OPLAH: variants seen among roughly 807,000 people sequenced by gnomAD.
OPLAH encodes the protein 5-oxoprolinase.
OPLAH carries 103 observed loss-of-function variants against 122.8 expected under a neutral mutation model. The observed-to-expected ratio is 0.84, with a 90% CI of 0.71 to 0.99. The LOEUF is 0.99. Ranked by LOEUF, OPLAH falls within the 50% of genes least tolerant of loss-of-function variation. OPLAH has a pLI of 0.00. For synonymous variants in OPLAH, 875 were observed against 796.0 expected, an observed-to-expected ratio of 1.10 and a Z score of -1.67; for missense variants, 1,902 against 1,836.5, an observed-to-expected ratio of 1.04 and a Z score of -0.65.
In OPLAH at chr8:144,054,801, G is replaced by C; in HGVS notation, c.2511+11C>G. The C allele has an allele frequency of 6.2e-7, 1 of 1,612,082 alleles. No individual in the cohort carries two copies. On this transcript the variant is annotated intron_variant, in intron 18 of 26. Transcript: ENST00000618853. ...CTGCCCCAGCAGAGGCAGGCGGGCAGCACCCCTCACCGGTGTGATAACAGT... is the reference window on the plus strand; with the variant it reads ...CTGCCCCAGCAGAGGCAGGCGGGCACCACCCCTCACCGGTGTGATAACAGT...
rs1482941475 is a variant in OPLAH at position 144,058,766 on chromosome 8, C to T, written c.587+7G>A. The T allele has an allele frequency of 6.3e-7, 1 of 1,592,244 alleles. No homozygotes were observed. Among genetic ancestry groups the T allele is most frequent in the Non-Finnish European group, 8.6e-7 (1 of 1,166,454 alleles). ...GCTCCCGCAGCCCACAGCCCCACCT[C>T]ACTCACGTGTACGAGTGCATGAGCA... On this transcript the variant is annotated splice_region_variant and intron_variant, in intron 5 of 26. Coordinates refer to ENST00000618853, the MANE Select transcript of OPLAH (RefSeq NM_017570.5).
At position 144,056,923 on chromosome 8, in the gene OPLAH, TGTCCAG is replaced by T. The variant is rs1554759362; in HGVS notation, c.1706+19_1706+24del. The stretch of plus-strand genomic sequence containing the variant: ...CGTGGTGAGGACAACGTAAGCCCTC[TGTCCAG>T]GGCACCCTGGGAGCCCACCTGGGGA... On this transcript the variant is annotated intron_variant, in intron 12 of 26. Coordinates refer to ENST00000618853, the MANE Select transcript of OPLAH (RefSeq NM_017570.5). The T allele has an allele frequency of 1.3e-6, 2 of 1,554,348 alleles. No individual in the cohort carries two copies. The highest frequency in any genetic ancestry group is 2.4e-5 in the East Asian group (1 of 42,050).
chr8:144,052,819 C>T lies in OPLAH; in HGVS notation c.3100G>A (p.Ala1034Thr), dbSNP rs781950603. The part of the protein sequence containing the change: ...LNAPRAVTLS[A>T]LIYCLRCLVG... Reference sequence around the variant, plus strand: ...AGACAGCGCAGGCAGTAGATGAGGGCGGACAGGGTTACGGCCCGCGGTGCG... The same window carrying T: ...AGACAGCGCAGGCAGTAGATGAGGGTGGACAGGGTTACGGCCCGCGGTGCG... The change falls in exon 22 of 27, where the codon GCC (alanine) becomes ACC (threonine). Residue 1034 changes from alanine to threonine, a missense_variant. Coordinates refer to ENST00000618853, the MANE Select transcript of OPLAH (RefSeq NM_017570.5). The T allele has an allele frequency of 3.2e-6, 5 of 1,560,538 alleles. No homozygotes were observed. In the South Asian group the frequency reaches 3.5e-5, roughly 11 times the overall value.
In OPLAH at chr8:144,055,749, G is replaced by T. The variant is rs1554758808; in HGVS notation, c.2248+39C>A. The T allele has an allele frequency of 1.4e-6, 2 of 1,466,886 alleles. No individual in the cohort carries two copies. Among genetic ancestry groups the T allele is most frequent in the South Asian group, 1.4e-5 (1 of 72,020 alleles). The allele number at this position is 1,466,886 out of a possible 1,614,324, so 90.9% of individuals were successfully genotyped here. A position where few individuals can be genotyped will look rare whatever the true frequency, so the allele number is the denominator to read the frequency against. On this transcript the variant is annotated intron_variant, in intron 16 of 26. Coordinates refer to ENST00000618853, the MANE Select transcript of OPLAH (RefSeq NM_017570.5). This position sits in a 1 kb window ranked among gnomAD's most constrained non-coding sequence, Gnocchi z 6.5. ...TGCCAGCTACCCCATGACACAGCCG[G>T]CGCCTCATCCCACAGGGAGCCTGGC...
chr8:144,058,818 G>T lies in OPLAH; in HGVS notation c.542C>A (p.Ser181Tyr). 1 of 1,598,432 alleles carries T rather than the reference G, an allele frequency of 6.3e-7. No homozygotes were observed. Among genetic ancestry groups the T allele is most frequent in the Non-Finnish European group, 8.5e-7 (1 of 1,173,236 alleles). ...CACAGCCAGGCTGCGGATGCCTCGAGATAGCAGCCCCTCCAGCTTCCCACG... is the reference window on the plus strand; with the variant it reads ...CACAGCCAGGCTGCGGATGCCTCGATATAGCAGCCCCTCCAGCTTCCCACG... Reference protein sequence around the residue: ...ALRGKLEGLLSRGIRSLAVVL... With the variant: ...ALRGKLEGLLYRGIRSLAVVL... The change falls in exon 5 of 27, where the codon TCT becomes TAT. Residue 181 changes from serine to tyrosine, a missense_variant. By Grantham distance (144) the Ser-to-Tyr change is moderately radical. This residue lies in a region of OPLAH where 1,726 missense variants were observed against 1,642.1 expected (regional missense o/e 1.05). Coordinates refer to ENST00000618853, the MANE Select transcript of OPLAH (RefSeq NM_017570.5).
intron 10 of OPLAH, 29 bp downstream of exon 10, chr8:144,057,419 G>C: frequency 1.3e-6 from 2 of 1,584,548 alleles, no homozygotes; most frequent in Non-Finnish European, 1.7e-6. Flanking sequence ...CTGGGGGCAG[G>C]ACAGGCGGGA....
At chr8:144,053,447 A>G (rs1316950672) in intron 19 of OPLAH, 54 bp from the exon 20 acceptor site, 1 of 1,522,416 alleles carries the variant, frequency 6.6e-7, no homozygotes, top group Non-Finnish European at 8.9e-7. Flanking sequence ...TGCACCCCCA[A>G]CCCAGGTTTC....
rs1564295114 is a variant in OPLAH, at chr8:144,060,001, G to T, written c.32C>A (p.Ala11Asp). 2 of 1,612,658 alleles carry T rather than the reference G, an allele frequency of 1.2e-6. No individual in the cohort carries two copies. Among genetic ancestry groups the T allele is most frequent in the South Asian group, 1.1e-5 (1 of 91,084 alleles). MGSPEGRFHF[A>D]IDRGGTFTDV... ...TGTGAAGGTACCCCCACGGTCGATG[G>T]CAAAGTGGAAGCGGCCCTCGGGGCT... The change falls in exon 2 of 27, where the codon GCC (alanine) becomes GAC (aspartate). Residue 11 changes from alanine to aspartate, a missense_variant. Physicochemically the swap from Ala to Asp is moderately radical, Grantham distance 126. Transcript: ENST00000618853.
At chr8:144,054,980 GTGGAGGGTGAGGGAGGGGGA>G in intron 17 of OPLAH, 29 bp downstream of exon 17, 1 of 1,058,688 alleles carries the variant, frequency 9.4e-7, no homozygotes. Context: ...TGGGGGGGGG[GTGGAGGGTGAGGGAGGGGGA>G]TGGAAGGGTG....
chr8:144,058,165 G>C lies in OPLAH; in HGVS notation c.950-17C>G. On this transcript the variant is annotated splice_polypyrimidine_tract_variant and intron_variant, in intron 7 of 26. Coordinates refer to ENST00000618853, the MANE Select transcript of OPLAH (RefSeq NM_017570.5). ...TGGACGTGCCTGGCAGGGGTGGGGT[G>C]CTGGTGGGTCACTTGAAGACCCAGG... The C allele has an allele frequency of 6.2e-7, 1 of 1,611,708 alleles. No individual in the cohort carries two copies. The highest frequency in any genetic ancestry group is 8.5e-7 in the Non-Finnish European group (1 of 1,179,378).
At position 144,058,995 on chromosome 8, in the gene OPLAH, C is replaced by T. The variant is rs782748268; in HGVS notation, c.448G>A (p.Gly150Arg). The change falls in exon 4 of 27, where the codon GGG (glycine) becomes AGG (arginine). Residue 150 changes from glycine (G) to arginine (R), a missense_variant. Gly to Arg is a moderately radical substitution (Grantham distance 125, BLOSUM62 -2). Around this residue, in one of 3 missense-constraint regions of OPLAH, gnomAD observed 1,726 missense variants for 1,642.1 expected, o/e 1.05. Transcript: ENST00000618853. ...VVLHRGEAGT[G>R]TPVKGRTGDL... ...GCACACACACCTTTCACAGGCGTCCCGGTGCCCGCCTCTCCACGGTGCAGC... is the reference window on the plus strand; with the variant it reads ...GCACACACACCTTTCACAGGCGTCCTGGTGCCCGCCTCTCCACGGTGCAGC... The T allele has an allele frequency of 3.6e-5, 56 of 1,565,772 alleles. No individual in the cohort carries two copies. Among genetic ancestry groups the T allele is most frequent in the Non-Finnish European group, 4.2e-5 (49 of 1,156,918 alleles).
In OPLAH at chr8:144,058,869, T is replaced by G. The variant is rs782182726; in HGVS notation, c.491A>C (p.Gln164Pro). The change falls in exon 5 of 27, where the codon CAG (glutamine) becomes CCG (proline). Residue 164 changes from glutamine to proline, a missense_variant. By Grantham distance (76) the Gln-to-Pro change is moderately conservative. Coordinates refer to ENST00000618853, the MANE Select transcript of OPLAH (RefSeq NM_017570.5). ...KGRTGDLLEV[Q>P]QPVDLGALRG... ...CAGGGCCCCCAGGTCCACAGGCTGC[T>G]GCACTTCCAGCAGGTCCCCCGTGCG... The G allele has an allele frequency of 6.4e-7, 1 of 1,562,024 alleles. No homozygotes were observed. The highest frequency in any genetic ancestry group is 1.2e-5 in the South Asian group (1 of 85,386).
chr8:144,062,971 A>C, upstream of OPLAH, among the ~76,000 whole-genome samples: 4 of 146,840 alleles, frequency 2.7e-5, no homozygotes, highest in Admixed American at 6.7e-5. Context: ...GCCAACCCCC[A>C]CCCACCCAGG....
chr8:144,062,333 C>T (rs1274051569), upstream of OPLAH, among the ~76,000 whole-genome samples: 9 of 152,054 alleles, frequency 5.9e-5, no homozygotes, highest in African/African-American at 2.2e-4. Flanking sequence ...GTAAGTGGCA[C>T]GTGCCTGCTG....
At chr8:144,054,768 G>A (rs1279438708) in intron 18 of OPLAH, 33 bp from the exon 19 acceptor site, 41 of 1,611,824 alleles carry the variant, frequency 2.5e-5, no homozygotes, top group Admixed American at 6.7e-5. Flanking sequence ...CAGCTGCATC[G>A]GCCACCACTG....
At chr8:144,052,103 A>C (rs781908477) in intron 24 of OPLAH, 27 bp from the exon 25 acceptor site, 88 of 1,563,102 alleles carry the variant, frequency 5.6e-5, no homozygotes, top group South Asian at 1.3e-4. Context: ...GAGGGCAAAG[A>C]CTCAGCGTGG....
intron 19 of OPLAH, among the ~76,000 whole-genome samples, chr8:144,054,316 C>T (rs782367638): frequency 3.9e-5 from 6 of 152,210 alleles, no homozygotes; most frequent in African/African-American, 7.2e-5. Context: ...TGACCCTCCA[C>T]GTCTTGGCTA....
intron 1 of OPLAH, among the ~76,000 whole-genome samples, chr8:144,060,315 G>A (rs1554760660): frequency 6.6e-6 from 1 of 152,202 alleles, no homozygotes; most frequent in Non-Finnish European, 1.5e-5. Flanking sequence ...GCCCTGGACT[G>A]GGCCGAAACC....
chr8:144,054,845 G>T lies in OPLAH; in HGVS notation c.2478C>A (p.Gly826=), dbSNP rs1554758557. The T allele has an allele frequency of 1.2e-6, 2 of 1,612,172 alleles. No individual in the cohort carries two copies. The highest frequency in any genetic ancestry group is 3.3e-5 in the Admixed American group (2 of 59,998). The change falls in exon 18 of 27, where the codon GGC becomes GGA. Residue 826 remains glycine, a synonymous_variant. Coordinates refer to ENST00000618853, the MANE Select transcript of OPLAH (RefSeq NM_017570.5). ...VLLSNHPSAG[G]SHLPDLTVIT... ...TAACAGTCAGGTCTGGCAGGTGGCT[G>T]CCCCCGGCACTGGGATGGTTGCTCA...
Sources: gnomAD v4.1 joint callset for allele counts (sites outside exome capture counted in the v4.1 genomes callset) on GRCh38, gnomAD v4.1.1 for gene constraint, gnomAD v4.1.1 regional missense constraint, Gnocchi (gnomAD v3.1) non-coding constraint, MANE v1.5 for transcripts, NCBI Gene and HGNC (gene_info 2026-07-23, HGNC 2026-07-21) for gene names.